The following FSHR variants were observed in gnomAD, a reference collection of about 807,000 sequenced individuals.
FSHR encodes follicle stimulating hormone receptor, also known as follicle-stimulating hormone receptor.
A neutral mutation model predicts 52.1 loss-of-function variants in FSHR; 46 were observed. The observed-to-expected ratio is 0.88, with a 90% CI of 0.70 to 1.13. The LOEUF is 1.13. Among genes scored for constraint, FSHR ranks in the 50% most tolerant of loss-of-function variants. The pLI is 0.00. For missense variants in FSHR, 964 were observed against 834.6 expected (o/e 1.16, Z -1.91); for synonymous variants, 399 against 309.6 (o/e 1.29, Z -3.03).
At chr2:49,085,975 AGT>A (rs1670372781) in intron 1 of FSHR, among the ~76,000 whole-genome samples, 2 of 125,538 alleles carry the variant, frequency 1.6e-5, no homozygotes, top group African/African-American at 6.1e-5. Flanking sequence ...GGGGGGGGGG[AGT>A]GGGGAGGGAT....
chr2:48,999,361 C>A (rs1028295068), intron 4 of FSHR, among the ~76,000 whole-genome samples: 2 of 151,966 alleles, frequency 1.3e-5, no homozygotes, highest in African/African-American at 4.8e-5. Flanking sequence ...TTCTCAAAGC[C>A]ACATAAGGAG....
At chr2:49,011,115 G>A (rs1667253934) in intron 4 of FSHR, among the ~76,000 whole-genome samples, 2 of 151,080 alleles carry the variant, frequency 1.3e-5, no homozygotes, top group African/African-American at 4.9e-5. Context: ...TTTTAATTTT[G>A]ATGTTAGGGT....
At chr2:49,008,952 G>A (rs987889464) in intron 4 of FSHR, among the ~76,000 whole-genome samples, 10 of 152,046 alleles carry the variant, frequency 6.6e-5, no homozygotes, top group African/African-American at 1.2e-4. Context: ...AGTAGGTTGC[G>A]AAAATTTTCT....
intron 1 of FSHR, among the ~76,000 whole-genome samples, chr2:49,123,592 T>C (rs1047955467): frequency 1.4e-4 from 21 of 152,356 alleles, no homozygotes; most frequent in African/African-American, 4.8e-4. Context: ...AGTGTATACA[T>C]GTATTGAAGC....
At chr2:48,990,269 T>TG (rs1197578758) in intron 5 of FSHR, among the ~76,000 whole-genome samples, 2 of 151,636 alleles carry the variant, frequency 1.3e-5, no homozygotes, top group Non-Finnish European at 2.9e-5. Flanking sequence ...TTTATGTGTG[T>TG]GGGGGGCAGT....
chr2:49,017,011 G>A (rs964167228), intron 4 of FSHR, among the ~76,000 whole-genome samples: 5 of 152,192 alleles, frequency 3.3e-5, no homozygotes, highest in African/African-American at 1.2e-4. Flanking sequence ...AAAGAATGCA[G>A]CTGAAACACT....
At chr2:49,053,131 C>T (rs1400730389) in intron 2 of FSHR, among the ~76,000 whole-genome samples, 5 of 152,036 alleles carry the variant, frequency 3.3e-5, no homozygotes, top group African/African-American at 1.2e-4. Context: ...TATTTTTTGT[C>T]CTTATGTTAT....
chr2:49,013,106 T>C (rs1017070261), intron 4 of FSHR, among the ~76,000 whole-genome samples: 1 of 151,470 alleles, frequency 6.6e-6, no homozygotes, highest in Non-Finnish European at 1.5e-5. Context: ...TCCCTCTCTC[T>C]CTCTTTCTCT....
chr2:49,063,299 A>G (rs1200003528), intron 2 of FSHR, among the ~76,000 whole-genome samples: 1 of 152,156 alleles, frequency 6.6e-6, no homozygotes, highest in African/African-American at 2.4e-5. Context: ...TCTCTTTTCA[A>G]AGGAAATCTT....
chr2:49,054,517 A>G (rs1668983204), intron 2 of FSHR, among the ~76,000 whole-genome samples: 1 of 152,174 alleles, frequency 6.6e-6, no homozygotes, highest in Admixed American at 6.5e-5. Flanking sequence ...ATGTGCCTAC[A>G]TCTGGGCCTG....
At chr2:49,089,844 A>G (rs1670535829) in intron 1 of FSHR, among the ~76,000 whole-genome samples, 1 of 152,190 alleles carries the variant, frequency 6.6e-6, no homozygotes, top group African/African-American at 2.4e-5. Context: ...AGTCACTGCT[A>G]GTGATGATGC....
chr2:49,065,883 T>A (rs913648913), intron 2 of FSHR, among the ~76,000 whole-genome samples: 10 of 152,092 alleles, frequency 6.6e-5, no homozygotes, highest in African/African-American at 2.4e-4. Context: ...CAGGAGAGTG[T>A]GGTATCCCAG....
intron 2 of FSHR, among the ~76,000 whole-genome samples, chr2:49,030,801 C>T (rs922347320): frequency 2.6e-5 from 4 of 152,106 alleles, no homozygotes; most frequent in East Asian, 1.9e-4. Context: ...CCCCATTCTA[C>T]CCCCAAATTA....
chr2:49,103,580 T>C (rs533530884), intron 1 of FSHR, among the ~76,000 whole-genome samples: 86 of 152,130 alleles, frequency 5.7e-4, no homozygotes, highest in Non-Finnish European at 1.1e-3. Context: ...GGGCACATTC[T>C]GAGATGGCAT....
chr2:49,106,576 T>G (rs1314538015), intron 1 of FSHR, among the ~76,000 whole-genome samples: 1 of 152,170 alleles, frequency 6.6e-6, no homozygotes, highest in African/African-American at 2.4e-5. Context: ...ATTCTGTTCT[T>G]TACTTTTATA....
chr2:49,042,780 A>AGAGGTTAAT (rs1491220332), intron 2 of FSHR, among the ~76,000 whole-genome samples: 1 of 152,176 alleles, frequency 6.6e-6, no homozygotes, highest in Non-Finnish European at 1.5e-5. Context: ...ACAGAGAGAC[A>AGAGGTTAAT]GAGGTTAATG....
At chr2:49,121,152 C>A (rs1448120096) in intron 1 of FSHR, among the ~76,000 whole-genome samples, 1 of 152,156 alleles carries the variant, frequency 6.6e-6, no homozygotes, top group Non-Finnish European at 1.5e-5. Flanking sequence ...AATGTGCTGC[C>A]ACTTATTGAG....
At chr2:48,983,889 G>A (rs962655418) in intron 6 of FSHR, among the ~76,000 whole-genome samples, 8 of 152,138 alleles carry the variant, frequency 5.3e-5, no homozygotes, top group South Asian at 2.1e-4. Flanking sequence ...AGGTCAGTGA[G>A]CAGGGTTCCC....
chr2:49,009,441 A>G (rs1401262005), intron 4 of FSHR, among the ~76,000 whole-genome samples: 1 of 150,554 alleles, frequency 6.6e-6, no homozygotes, highest in African/African-American at 2.4e-5. Flanking sequence ...CTTGTAGTAT[A>G]GTTTGAAGTC....
Sources: gnomAD v4.1 joint callset for allele counts (sites outside exome capture counted in the v4.1 genomes callset) on GRCh38, gnomAD v4.1.1 for gene constraint, MANE v1.5 for transcripts, NCBI Gene and HGNC (gene_info 2026-07-23, HGNC 2026-07-21) for gene names.